The following TMEM178B variants were observed in gnomAD, a reference collection of about 807,000 sequenced individuals.
The protein encoded by TMEM178B is transmembrane protein 178B.
In TMEM178B, 5 loss-of-function variants were observed where a neutral mutation model predicts 31.0. That is an observed-to-expected ratio of 0.16 (90% CI 0.08 to 0.34). The LOEUF is 0.34. Among genes scored for constraint, TMEM178B ranks in the 10% least tolerant of loss-of-function variants. The probability of loss-of-function intolerance (pLI) is 1.00; values close to 1 mark genes in which losing one functional copy is unlikely to be tolerated. For synonymous variants in TMEM178B, 164 were observed against 164.0 expected, an observed-to-expected ratio of 1.00 and a Z score of 0.00; for missense variants, 275 against 400.3, an observed-to-expected ratio of 0.69 and a Z score of 2.67.
chr7:141,158,257 G>A (rs749548395), intron 1 of TMEM178B, among the ~76,000 whole-genome samples: 11 of 152,134 alleles, frequency 7.2e-5, no homozygotes, highest in East Asian at 5.8e-4. Flanking sequence ...CACCATGCCC[G>A]GCTAATTTTT....
chr7:141,368,209 C>T (rs1054942168), intron 2 of TMEM178B, among the ~76,000 whole-genome samples: 4 of 152,156 alleles, frequency 2.6e-5, no homozygotes. Flanking sequence ...ATCTCAGCTA[C>T]TCAGGAGGCT....
chr7:141,226,579 G>A (rs556576701), intron 2 of TMEM178B, among the ~76,000 whole-genome samples: 245 of 152,256 alleles, frequency 1.6e-3, no homozygotes, highest in Non-Finnish European at 2.9e-3. Flanking sequence ...CTGGCTAGGC[G>A]TGGAGGCTCA....
At chr7:141,148,069 G>A (rs536624521) in intron 1 of TMEM178B, among the ~76,000 whole-genome samples, 5 of 152,200 alleles carry the variant, frequency 3.3e-5, no homozygotes, top group East Asian at 3.9e-4. Context: ...ATCAGGGTGC[G>A]AGCAGAGCTG....
chr7:141,326,589 C>T (rs190978543), intron 2 of TMEM178B, among the ~76,000 whole-genome samples: 92 of 152,322 alleles, frequency 6.0e-4, no homozygotes, highest in African/African-American at 2.2e-3. Flanking sequence ...GCTTGGCAAA[C>T]TTGAACTACA....
chr7:141,197,997 A>T (rs1413706491), intron 1 of TMEM178B, among the ~76,000 whole-genome samples: 3 of 152,180 alleles, frequency 2.0e-5, no homozygotes, highest in African/African-American at 7.2e-5. Context: ...CAATCATCTG[A>T]ATTGTGTTTC....
At chr7:141,108,486 G>T (rs949874796) in intron 1 of TMEM178B, among the ~76,000 whole-genome samples, 3 of 152,216 alleles carry the variant, frequency 2.0e-5, no homozygotes, top group Non-Finnish European at 4.4e-5. Context: ...TAGGTAGACA[G>T]ATGTGGTACT....
At chr7:141,325,664 C>G (rs992429442) in intron 2 of TMEM178B, among the ~76,000 whole-genome samples, 2 of 152,180 alleles carry the variant, frequency 1.3e-5, no homozygotes, top group Non-Finnish European at 2.9e-5. Context: ...GGATCTTTTT[C>G]TTTACACTGG....
At chr7:141,435,418 C>A (rs925146460) in intron 2 of TMEM178B, among the ~76,000 whole-genome samples, 1 of 152,174 alleles carries the variant, frequency 6.6e-6, no homozygotes, top group African/African-American at 2.4e-5. Flanking sequence ...AGTAGAGTAT[C>A]CCATTTCCAG....
chr7:141,097,268 C>G (rs1436754620), intron 1 of TMEM178B, among the ~76,000 whole-genome samples: 1 of 146,314 alleles, frequency 6.8e-6, no homozygotes, highest in African/African-American at 2.5e-5. Context: ...ACTCGGGAGG[C>G]TGAGGCAGGA....
At chr7:141,279,262 T>A (rs1214838054) in intron 2 of TMEM178B, among the ~76,000 whole-genome samples, 2 of 152,216 alleles carry the variant, frequency 1.3e-5, no homozygotes, top group Admixed American at 1.3e-4. Context: ...GACGGCAACA[T>A]AGTAAACTTT....
chr7:141,226,343 C>T (rs929316106), intron 2 of TMEM178B, among the ~76,000 whole-genome samples: 1 of 152,146 alleles, frequency 6.6e-6, no homozygotes, highest in African/African-American at 2.4e-5. Context: ...TTCCAGAACC[C>T]TCCCCAAGGC....
intron 1 of TMEM178B, among the ~76,000 whole-genome samples, chr7:141,175,436 G>T (rs1563108140): frequency 1.3e-5 from 2 of 152,092 alleles, no homozygotes; most frequent in Non-Finnish European, 2.9e-5. Context: ...GATTGTCTTG[G>T]CTATGCATGC....
chr7:141,479,938 T>C lies in TMEM178B; in HGVS notation c.*9152T>C, dbSNP rs1395247019. On this transcript the variant is annotated 3_prime_UTR_variant, in exon 4 of 4. Transcript: ENST00000565468. The stretch of plus-strand genomic sequence containing the variant: ...GATAAAATATTATGTTAATTTGTTC[T>C]GATATGATGTGAATAAATGTGTTGT... The C allele has an allele frequency of 3.3e-5, 5 of 152,264 alleles. No individual in the cohort carries two copies. Among genetic ancestry groups the C allele is most frequent in the African/African-American group, 1.2e-4 (5 of 41,474 alleles). 9.4% of individuals were successfully genotyped at this position (152,264 alleles called of 1,614,324 possible). A position where few individuals can be genotyped will look rare whatever the true frequency, so the allele number is the denominator to read the frequency against.
At chr7:141,277,424 C>G (rs1798283525) in intron 2 of TMEM178B, among the ~76,000 whole-genome samples, 1 of 152,104 alleles carries the variant, frequency 6.6e-6, no homozygotes, top group East Asian at 1.9e-4. Flanking sequence ...GCATCTTGTC[C>G]CACTGGAAGG....
chr7:141,346,922 T>C (rs1395170295), intron 2 of TMEM178B, among the ~76,000 whole-genome samples: 1 of 152,112 alleles, frequency 6.6e-6, no homozygotes, highest in Non-Finnish European at 1.5e-5. Context: ...GGTAATTGGA[T>C]TGTGGGTGTG....
chr7:141,226,366 C>T (rs1197227104), intron 2 of TMEM178B, among the ~76,000 whole-genome samples: 1 of 152,126 alleles, frequency 6.6e-6, no homozygotes, highest in African/African-American at 2.4e-5. Context: ...GCTTTGTCTC[C>T]GTGTTGCCTG....
Position 141,476,447 on chromosome 7 carries a change from T to A in TMEM178B, c.*5661T>A, listed in dbSNP as rs1248211324. 1 of 152,196 alleles carries A rather than the reference T, an allele frequency of 6.6e-6. No homozygotes were observed. The highest frequency in any genetic ancestry group is 1.5e-5 in the Non-Finnish European group (1 of 68,042). 9.4% of individuals were successfully genotyped at this position (152,196 alleles called of 1,614,324 possible). ...ACATGGTCAATGCCTTAGTATTTTT[T>A]TTTTTAATTCTCCTAACGTTATTTC... On this transcript the variant is annotated 3_prime_UTR_variant, in exon 4 of 4. Coordinates refer to ENST00000565468, the MANE Select transcript of TMEM178B (RefSeq NM_001195278.2).
At chr7:141,469,136 G>C (rs891254800) in intron 3 of TMEM178B, among the ~76,000 whole-genome samples, 1 of 152,170 alleles carries the variant, frequency 6.6e-6, no homozygotes, top group African/African-American at 2.4e-5. Context: ...CTTCCAGCTT[G>C]CTTATCTATG....
At chr7:141,437,083 C>T (rs1210944816) in intron 2 of TMEM178B, among the ~76,000 whole-genome samples, 3 of 152,098 alleles carry the variant, frequency 2.0e-5, no homozygotes, top group African/African-American at 7.2e-5. Flanking sequence ...CTGCAACCTC[C>T]TAGTGAGACC....
Sources: gnomAD v4.1 joint callset for allele counts (sites outside exome capture counted in the v4.1 genomes callset) on GRCh38, gnomAD v4.1.1 for gene constraint, MANE v1.5 for transcripts, NCBI Gene and HGNC (gene_info 2026-07-23, HGNC 2026-07-21) for gene names.